The following SLC9A9 variants were observed in gnomAD, a reference collection of about 807,000 sequenced individuals.
SLC9A9 encodes sodium/hydrogen exchanger 9.
A neutral mutation model predicts 77.8 loss-of-function variants in SLC9A9; 62 were observed. The ratio of observed to expected loss-of-function variants is 0.80; its 90% CI spans 0.65 to 0.98. The LOEUF (loss-of-function observed/expected upper bound fraction) is 0.98, where lower values mean the gene tolerates loss of function less well. SLC9A9 is among the 50% of genes least tolerant of loss of function. The pLI, the probability that SLC9A9 is intolerant of heterozygous loss-of-function variation, is 0.00. For synonymous variants in SLC9A9, 320 were observed against 283.5 expected (o/e 1.13, Z -1.29); for missense variants, 775 against 774.9 (o/e 1.00, Z 0.00).
intron 14 of SLC9A9, among the ~76,000 whole-genome samples, chr3:143,362,490 C>G (rs1213785349): frequency 1.3e-5 from 2 of 151,656 alleles, no homozygotes; most frequent in African/African-American, 4.9e-5. Context: ...ATTTGCTTTC[C>G]TTTCCTTCCT....
intron 5 of SLC9A9, among the ~76,000 whole-genome samples, chr3:143,679,788 C>G (rs1397356048): frequency 6.6e-6 from 1 of 151,738 alleles, no homozygotes; most frequent in East Asian, 1.9e-4. Flanking sequence ...TAGAGAAAAT[C>G]AACAAACAAA....
At chr3:143,278,442 G>A (rs1384906052) in intron 14 of SLC9A9, among the ~76,000 whole-genome samples, 1 of 152,150 alleles carries the variant, frequency 6.6e-6, no homozygotes, top group African/African-American at 2.4e-5. Context: ...TTGTCTATTA[G>A]TTTCATAGGG....
chr3:143,277,308 C>A (rs1938079740), intron 14 of SLC9A9, among the ~76,000 whole-genome samples: 1 of 151,950 alleles, frequency 6.6e-6, no homozygotes, highest in African/African-American at 2.4e-5. Context: ...AGTCTCCCGA[C>A]CAGCTGCATC....
intron 8 of SLC9A9, among the ~76,000 whole-genome samples, chr3:143,554,509 T>A (rs916924867): frequency 3.9e-5 from 6 of 152,192 alleles, no homozygotes; most frequent in African/African-American, 9.7e-5. Flanking sequence ...AGCATCCCTT[T>A]CCAAGCCCCC....
intron 5 of SLC9A9, among the ~76,000 whole-genome samples, chr3:143,667,282 A>G (rs1230290346): frequency 1.3e-5 from 2 of 152,244 alleles, no homozygotes; most frequent in Non-Finnish European, 1.5e-5. Context: ...AGCCATATGT[A>G]GAAAGCTGAA....
At chr3:143,678,986 C>A (rs1311438218) in intron 5 of SLC9A9, among the ~76,000 whole-genome samples, 1 of 145,946 alleles carries the variant, frequency 6.9e-6, no homozygotes, top group East Asian at 2.0e-4. Context: ...GAGAAATCCC[C>A]AGGGAGAAGG....
At chr3:143,350,301 C>T (rs2032412741) in intron 14 of SLC9A9, among the ~76,000 whole-genome samples, 1 of 151,856 alleles carries the variant, frequency 6.6e-6, no homozygotes, top group African/African-American at 2.4e-5. Flanking sequence ...TTGCAACTAC[C>T]ATAATTGAGG....
chr3:143,292,872 G>T (rs564594986), intron 14 of SLC9A9, among the ~76,000 whole-genome samples: 1 of 152,162 alleles, frequency 6.6e-6, no homozygotes, highest in African/African-American at 2.4e-5. Flanking sequence ...TGGCTGTAGC[G>T]TAGGTGGTCT....
chr3:143,844,721 CTTTCTTTCTTT>C (rs2009787488), intron 1 of SLC9A9, among the ~76,000 whole-genome samples: 1 of 30,462 alleles, frequency 3.3e-5, no homozygotes, highest in Non-Finnish European at 6.4e-5. Context: ...CTCTTTCTTT[CTTTCTTTCTTT>C]CTTTCTTTCT....
chr3:143,588,796 G>A (rs1207792314), intron 6 of SLC9A9, among the ~76,000 whole-genome samples: 1 of 152,038 alleles, frequency 6.6e-6, no homozygotes, highest in African/African-American at 2.4e-5. Flanking sequence ...TCTCTTTAAA[G>A]CAGAAATAGG....
intron 4 of SLC9A9, among the ~76,000 whole-genome samples, chr3:143,707,196 C>G (rs1230886668): frequency 6.6e-6 from 1 of 152,118 alleles, no homozygotes; most frequent in African/African-American, 2.4e-5. Flanking sequence ...TGTCTTCTGT[C>G]CTGTAGTTCT....
chr3:143,564,648 C>T (rs908770416), intron 8 of SLC9A9, among the ~76,000 whole-genome samples: 6 of 152,084 alleles, frequency 3.9e-5, no homozygotes, highest in Non-Finnish European at 5.9e-5. Context: ...ATCCAACTTT[C>T]CAAAGAGTAC....
At chr3:143,810,090 G>A (rs2008824537) in intron 2 of SLC9A9, among the ~76,000 whole-genome samples, 1 of 152,178 alleles carries the variant, frequency 6.6e-6, no homozygotes, top group Non-Finnish European at 1.5e-5. Flanking sequence ...TAAAATGGGA[G>A]AGAGAAAAAT....
chr3:143,679,340 T>C (rs1432685454), intron 5 of SLC9A9, among the ~76,000 whole-genome samples: 1 of 151,648 alleles, frequency 6.6e-6, no homozygotes, highest in Non-Finnish European at 1.5e-5. Flanking sequence ...TGAGCAGCCT[T>C]AGGCATTCTC....
At chr3:143,381,923 T>A in intron 13 of SLC9A9, 137 bp downstream of exon 13, 1 of 981,198 alleles carries the variant, frequency 1.0e-6, no homozygotes, top group Non-Finnish European at 1.6e-6. Flanking sequence ...TATTTTATTG[T>A]AATCTCATTT....
At chr3:143,752,710 G>A (rs1047136683) in intron 4 of SLC9A9, among the ~76,000 whole-genome samples, 2 of 149,772 alleles carry the variant, frequency 1.3e-5, no homozygotes, top group Admixed American at 6.6e-5. Context: ...TTATCCGTTA[G>A]ATGCTCTGAA....
At chr3:143,795,214 C>CTTATTGTGCTAATAGGGACTTAACTGT (rs2008345696) in intron 3 of SLC9A9, 137 bp from the exon 4 acceptor site, 1 of 524,002 alleles carries the variant, frequency 1.9e-6, no homozygotes, top group Admixed American at 2.6e-5. Context: ...CGTTCCTGGC[C>CTTATTGTGCTAATAGGGACTTAACTGT]TTATTGTGCT....
At chr3:143,742,579 T>C (rs1167814238) in intron 4 of SLC9A9, among the ~76,000 whole-genome samples, 5 of 152,120 alleles carry the variant, frequency 3.3e-5, no homozygotes, top group Admixed American at 6.5e-5. Flanking sequence ...ACAGAAAACG[T>C]CTGAGAAACT....
In SLC9A9 at chr3:143,634,264, G is replaced by A. The variant is rs76856593; in HGVS notation, c.755+17991C>T. Among the ~76,000 whole-genome samples the A allele has an allele frequency of 6.2e-3, 947 of 151,954 alleles. 10 individuals carry two copies. Among genetic ancestry groups the A allele is most frequent in the African/African-American group, 0.022 (908 of 41,388 alleles). ...GTCTATCTATTTATTACATTGTTTCGGGAGAATATTGTTTTACACCATGTT... is the reference window on the plus strand; with the variant it reads ...GTCTATCTATTTATTACATTGTTTCAGGAGAATATTGTTTTACACCATGTT... On this transcript the variant is annotated intron_variant, in intron 6 of 15. Coordinates refer to ENST00000316549, the MANE Select transcript of SLC9A9 (RefSeq NM_173653.4).
Sources: gnomAD v4.1 joint callset for allele counts (sites outside exome capture counted in the v4.1 genomes callset) on GRCh38, gnomAD v4.1.1 for gene constraint, MANE v1.5 for transcripts, NCBI Gene and HGNC (gene_info 2026-07-23, HGNC 2026-07-21) for gene names.